PTGFR: variants seen among roughly 807,000 people sequenced by gnomAD.
The protein encoded by PTGFR is prostaglandin F2-alpha receptor.
In PTGFR, 15 loss-of-function variants were observed where a neutral mutation model predicts 26.2. The ratio of observed to expected loss-of-function variants is 0.57; its 90% CI spans 0.38 to 0.88. The LOEUF is 0.88. PTGFR is among the 40% of genes least tolerant of loss of function. PTGFR has a pLI of 0.00. For synonymous variants in PTGFR, 165 were observed against 151.1 expected, an observed-to-expected ratio of 1.09 and a Z score of -0.68; for missense variants, 369 against 427.2, an observed-to-expected ratio of 0.86 and a Z score of 1.20.
rs1472658736 is a variant in PTGFR at position 78,493,427 on chromosome 1, A to G, written c.684A>G (p.Leu228=). Residue 228 remains leucine, a synonymous_variant, in exon 2 of 3, where the codon TTA becomes TTG. Coordinates refer to ENST00000370757, the MANE Select transcript of PTGFR (RefSeq NM_000959.4). The stretch of plus-strand genomic sequence containing the variant: ...ATGCAATCACAGGAATTACACTTTT[A>G]AGAGTTAAATTTAAAAGTCAGCAGC... The part of the protein sequence containing the change: ...LCNAITGITL[L]RVKFKSQQHR... The G allele has an allele frequency of 6.2e-7, 1 of 1,613,158 alleles. No homozygotes were observed. Among genetic ancestry groups the G allele is most frequent in the East Asian group, 2.2e-5 (1 of 44,872 alleles).
In PTGFR at chr1:78,536,421, A is replaced by G; in HGVS notation, c.814A>G (p.Ile272Val). 1 of 1,611,688 alleles carries G rather than the reference A, an allele frequency of 6.2e-7. No individual in the cohort carries two copies. Among genetic ancestry groups the G allele is most frequent in the Non-Finnish European group, 8.5e-7 (1 of 1,178,976 alleles). Residue 272 changes from isoleucine (I) to valine (V), a missense_variant, in exon 3 of 3, where the codon ATT (isoleucine) becomes GTT (valine). Ile to Val is a conservative substitution (Grantham distance 29). Transcript: ENST00000370757. ...WSPFLVTMAN[I>V]GINGNHSLET... ...TCGTTTCTAGGTTACAATGGCCAAC[A>G]TTGGAATAAATGGAAATCATTCTCT...
In PTGFR at chr1:78,536,641, CT is replaced by C. The variant is rs1650663724; in HGVS notation, c.1035del (p.Ala346LeufsTer20). On this transcript the variant is annotated frameshift_variant, in exon 3 of 3. Coordinates refer to ENST00000370757, the MANE Select transcript of PTGFR (RefSeq NM_000959.4). LOFTEE classifies it high-confidence loss of function. The stretch of plus-strand genomic sequence containing the variant: ...TCCATTAAAAATTCCTTAAAGGTTG[CT>C]GCTATTTCTGAGTCACCAGTTGCAG... Reference protein sequence around the residue: ...LSSIKNSLKVAAISESPVAEK... With the variant: ...LSSIKNSLKVXAISESPVAEK... 6.2e-7 allele frequency: 1 copy of C among 1,612,860 alleles called. No individual in the cohort carries two copies. Among genetic ancestry groups the C allele is most frequent in the Non-Finnish European group, 8.5e-7 (1 of 1,179,452 alleles).
chr1:78,509,746 A>C (rs1279870265), intron 2 of PTGFR, among the ~76,000 whole-genome samples: 1 of 152,182 alleles, frequency 6.6e-6, no homozygotes, highest in Non-Finnish European at 1.5e-5. Flanking sequence ...GGTCTGTATA[A>C]ACTAAATGGT....
chr1:78,491,708 A>G (rs1270842034), intron 1 of PTGFR, among the ~76,000 whole-genome samples: 1 of 152,224 alleles, frequency 6.6e-6, no homozygotes, highest in Non-Finnish European at 1.5e-5. Flanking sequence ...ACTGTGAGTA[A>G]GACCTGGAGA....
In PTGFR at chr1:78,501,638, G is replaced by A. The variant is rs1649708655; in HGVS notation, c.798+8097G>A. On this transcript the variant is annotated intron_variant, in intron 2 of 2. Coordinates refer to ENST00000370757, the MANE Select transcript of PTGFR (RefSeq NM_000959.4). ...GTGTGGCCGTGGTGTGATGGTGAAG[G>A]AGACAGAGACAATTGGATTATGTAA... 2.6e-5 allele frequency among the ~76,000 whole-genome samples: 4 copies of A among 152,132 alleles called. No individual in the cohort carries two copies. The South Asian group carries it at 8.3e-4, about 32-fold the overall frequency.
chr1:78,518,531 T>C (rs1174247616), intron 2 of PTGFR, among the ~76,000 whole-genome samples: 1 of 149,516 alleles, frequency 6.7e-6, no homozygotes, highest in Non-Finnish European at 1.5e-5. Flanking sequence ...AAGAGAAAGG[T>C]TCCACCACTG....
At chr1:78,512,828 C>T (rs28832602) in intron 2 of PTGFR, among the ~76,000 whole-genome samples, 36,396 of 152,058 alleles carry the variant, frequency 0.24, 4,649 homozygotes, top group African/African-American at 0.31. Context: ...GTGAGTTCTG[C>T]CTCATGATAT....
At position 78,537,008 on chromosome 1, in the gene PTGFR, A is replaced by G. The variant is rs1359316033; in HGVS notation, c.*321A>G. ...GAGGTCTAATGCCTTTACTTGGCCT[A>G]TTTGCCAGAGAACATCTTAATGCAG... On this transcript the variant is annotated 3_prime_UTR_variant, in exon 3 of 3. Coordinates refer to ENST00000370757, the MANE Select transcript of PTGFR (RefSeq NM_000959.4). 4.6e-5 allele frequency: 12 copies of G among 259,454 alleles called. No homozygotes were observed. The highest frequency in any genetic ancestry group is 1.6e-4 in the Admixed American group (3 of 19,310). The allele number at this position is 259,454 out of a possible 1,614,324, so 16.1% of individuals were successfully genotyped here. A position where few individuals can be genotyped will look rare whatever the true frequency, so the allele number is the denominator to read the frequency against.
chr1:78,491,477 A>G (rs1305874896), intron 1 of PTGFR, among the ~76,000 whole-genome samples: 1 of 152,194 alleles, frequency 6.6e-6, no homozygotes, highest in East Asian at 1.9e-4. Flanking sequence ...GAAGAGGGAA[A>G]TCGGCACAGA....
chr1:78,538,685 G>A lies in PTGFR; in HGVS notation c.*1998G>A, dbSNP rs1220313403. On this transcript the variant is annotated 3_prime_UTR_variant, in exon 3 of 3. Transcript: ENST00000370757. ...TGCATGTAGCTTGGCGATTTACTGT[G>A]TAATGAATAATAGACTGGAACATCT... The A allele has an allele frequency of 6.6e-6, 1 of 152,036 alleles. No individual in the cohort carries two copies. 9.4% of individuals were successfully genotyped at this position (152,036 alleles called of 1,614,324 possible).
At position 78,497,848 on chromosome 1, in the gene PTGFR, A is replaced by G. The variant is rs758382074; in HGVS notation, c.798+4307A>G. ...TTCAGCTGTCTTTTACTGGAAGGCC[A>G]TATGTTTGTTTTACCTTCTCTTCAG... On this transcript the variant is annotated intron_variant, in intron 2 of 2. Coordinates refer to ENST00000370757, the MANE Select transcript of PTGFR (RefSeq NM_000959.4). 6.8e-6 allele frequency: 10 copies of G among 1,473,570 alleles called. 1 individual carries two copies. The South Asian group carries it at 9.1e-5, about 13-fold the overall frequency. 91.3% of individuals were successfully genotyped at this position (1,473,570 alleles called of 1,614,324 possible). A position where few individuals can be genotyped will look rare whatever the true frequency, so the allele number is the denominator to read the frequency against.
intron 2 of PTGFR, among the ~76,000 whole-genome samples, chr1:78,524,662 A>T (rs1026630812): frequency 6.6e-6 from 1 of 151,994 alleles, no homozygotes; most frequent in Non-Finnish European, 1.5e-5. Flanking sequence ...GTAATTTTAG[A>T]TGTTACAGAT....
At chr1:78,498,760 C>A (rs1474421592) in intron 2 of PTGFR, among the ~76,000 whole-genome samples, 1 of 152,098 alleles carries the variant, frequency 6.6e-6, no homozygotes, top group Non-Finnish European at 1.5e-5. Flanking sequence ...TATATTAGAT[C>A]TTGGAATATA....
chr1:78,492,518 G>A (rs1054941744), intron 1 of PTGFR, among the ~76,000 whole-genome samples, 154 bp from the exon 2 acceptor site: 2 of 152,176 alleles, frequency 1.3e-5, no homozygotes, highest in Admixed American at 6.5e-5. Flanking sequence ...ATGTGGAACC[G>A]CAGGCAGATA....
At position 78,540,183 on chromosome 1, in the gene PTGFR, G is replaced by A. The variant is rs976902111; in HGVS notation, c.*3496G>A. 2.6e-5 allele frequency among the ~76,000 whole-genome samples: 4 copies of A among 152,058 alleles called. No homozygotes were observed. The highest frequency in any genetic ancestry group is 6.6e-5 in the Admixed American group (1 of 15,230). ...ATGTGGCTGTTTCTCAAACTACAGA[G>A]CATGGTGAATCACACACAGGCTGTT... On this transcript the variant is annotated 3_prime_UTR_variant, in exon 3 of 3. Transcript: ENST00000370757.
chr1:78,529,579 C>G (rs1334779212), intron 2 of PTGFR, among the ~76,000 whole-genome samples: 1 of 152,102 alleles, frequency 6.6e-6, no homozygotes, highest in Admixed American at 6.6e-5. Context: ...GATGTGTTTT[C>G]TTCTTCTAAG....
At chr1:78,500,159 C>T (rs1027376842) in intron 2 of PTGFR, among the ~76,000 whole-genome samples, 2 of 151,942 alleles carry the variant, frequency 1.3e-5, no homozygotes, top group East Asian at 3.9e-4. Flanking sequence ...TGTTCCTTGT[C>T]ATAAAATGAA....
At position 78,536,921 on chromosome 1, in the gene PTGFR, G is replaced by A. The variant is rs1412268029; in HGVS notation, c.*234G>A. ...GACACAATAAAATAATGCCATGGGA[G>A]TCACACTGAAAGCAATTTTGAGCTT... On this transcript the variant is annotated 3_prime_UTR_variant, in exon 3 of 3. Coordinates refer to ENST00000370757, the MANE Select transcript of PTGFR (RefSeq NM_000959.4). 4.1e-6 allele frequency: 2 copies of A among 486,516 alleles called. No individual in the cohort carries two copies. The highest frequency in any genetic ancestry group is 3.6e-6 in the Non-Finnish European group (1 of 280,038). 30.1% of individuals were successfully genotyped at this position (486,516 alleles called of 1,614,324 possible).
chr1:78,524,906 A>ATTTTTTTTTTTTTT (rs35641651), intron 2 of PTGFR, among the ~76,000 whole-genome samples: 5 of 70,524 alleles, frequency 7.1e-5, no homozygotes, highest in Admixed American at 2.2e-4. Context: ...CAAATGCAAG[A>ATTTTTTTTTTTTTT]TTTTTTTTTT....
Sources: gnomAD v4.1 joint callset for allele counts (sites outside exome capture counted in the v4.1 genomes callset) on GRCh38, gnomAD v4.1.1 for gene constraint, MANE v1.5 for transcripts, NCBI Gene and HGNC (gene_info 2026-07-23, HGNC 2026-07-21) for gene names.